Variants in EDARADD observed in about 807,000 individuals in gnomAD.
EDARADD encodes ectodysplasin-A receptor-associated adapter protein.
In EDARADD, 20 loss-of-function variants were observed where a neutral mutation model predicts 25.6. The observed-to-expected ratio is 0.78, with a 90% confidence interval of 0.55 to 1.14. The LOEUF (loss-of-function observed/expected upper bound fraction) is 1.14, where lower values mean the gene tolerates loss of function less well. EDARADD is among the 50% of genes most tolerant of loss of function. EDARADD has a pLI of 0.00. For missense variants in EDARADD, 225 were observed against 270.1 expected (o/e 0.83, Z 1.17); for synonymous variants, 86 against 94.4 (o/e 0.91, Z 0.52).
chr1:236,439,090 G>T (rs982107571), intron 4 of EDARADD, among the ~76,000 whole-genome samples: 1 of 152,160 alleles, frequency 6.6e-6, no homozygotes, highest in African/African-American at 2.4e-5. Flanking sequence ...TCACATAGTT[G>T]GAATCATATG....
intron 3 of EDARADD, among the ~76,000 whole-genome samples, chr1:236,364,523 C>T (rs1489353898): frequency 6.6e-6 from 1 of 152,176 alleles, no homozygotes; most frequent in African/African-American, 2.4e-5. Context: ...TCTTCTAACC[C>T]ATGAACAAGG....
chr1:236,426,539 G>A (rs1446756185), intron 3 of EDARADD, among the ~76,000 whole-genome samples: 1 of 152,146 alleles, frequency 6.6e-6, no homozygotes, highest in African/African-American at 2.4e-5. Flanking sequence ...CTGCCTTCTG[G>A]TTCCCATGTG....
At chr1:236,423,926 T>C (rs1000061859) in intron 3 of EDARADD, among the ~76,000 whole-genome samples, 1 of 151,916 alleles carries the variant, frequency 6.6e-6, no homozygotes, top group Non-Finnish European at 1.5e-5. Context: ...GACAACATGG[T>C]GAAACCCTGT....
intron 4 of EDARADD, among the ~76,000 whole-genome samples, chr1:236,457,244 G>C (rs559787794): frequency 2.6e-5 from 4 of 152,146 alleles, no homozygotes. Flanking sequence ...TACCGGGCAC[G>C]GGGGCTCACG....
At chr1:236,427,704 G>A (rs1246687322) in intron 4 of EDARADD, among the ~76,000 whole-genome samples, 1 of 152,006 alleles carries the variant, frequency 6.6e-6, no homozygotes, top group African/African-American at 2.4e-5. Context: ...AATCAATGCT[G>A]GTGAGTTAGA....
Position 236,395,877 on chromosome 1 carries a change from C to G in EDARADD, c.61+1372C>G, listed in dbSNP as rs1198346760. Among the ~76,000 whole-genome samples, 2 of 152,120 alleles carry G rather than the reference C, an allele frequency of 1.3e-5. No homozygotes were observed. Among genetic ancestry groups the G allele is most frequent in the Non-Finnish European group, 2.9e-5 (2 of 68,008 alleles). On this transcript the variant is annotated intron_variant, in intron 1 of 5. Transcript: ENST00000334232. The surrounding 1 kb of genome is among the most constrained non-coding windows in gnomAD (Gnocchi z 6.9). ...CTGCTGACCGCCCCTCCCGCGCTCG[C>G]CAGGGCCCCTGCCCCGCGTCAGCCA...
At chr1:236,393,808 G>A (rs1558108235), upstream of EDARADD, among the ~76,000 whole-genome samples, 2 of 152,060 alleles carry the variant, frequency 1.3e-5, no homozygotes, top group African/African-American at 2.4e-5. Context: ...TGGTGAATGC[G>A]AATCATTTTT....
At chr1:236,472,655 G>A (rs1659389035) in intron 5 of EDARADD, among the ~76,000 whole-genome samples, 1 of 152,184 alleles carries the variant, frequency 6.6e-6, no homozygotes, top group South Asian at 2.1e-4. Context: ...AAGGCTGTTG[G>A]TTATTAATGC....
intron 3 of EDARADD, among the ~76,000 whole-genome samples, chr1:236,360,210 T>TA (rs1218365127): frequency 6.6e-6 from 1 of 151,912 alleles, no homozygotes; most frequent in Admixed American, 6.6e-5. Context: ...TAGTTCCAGG[T>TA]ACTTGGGAAG....
chr1:236,432,076 C>A (rs1658111129), intron 4 of EDARADD, among the ~76,000 whole-genome samples: 1 of 152,086 alleles, frequency 6.6e-6, no homozygotes, highest in Non-Finnish European at 1.5e-5. Context: ...TTTCCTAGGA[C>A]CTTTATCAAT....
intron 4 of EDARADD, among the ~76,000 whole-genome samples, chr1:236,457,296 A>T (rs191382314): frequency 2.6e-5 from 4 of 152,080 alleles, no homozygotes; most frequent in Admixed American, 6.6e-5. Flanking sequence ...CAGGCAGATC[A>T]CTTGAGCCCA....
At chr1:236,443,516 A>G (rs654860) in intron 4 of EDARADD, among the ~76,000 whole-genome samples, 100,493 of 152,032 alleles carry the variant, frequency 0.66, 36,925 homozygotes, top group Non-Finnish European at 0.84. Flanking sequence ...GAGGGATTCA[A>G]GATTTCAGTG....
At chr1:236,449,701 A>G (rs778426910) in intron 4 of EDARADD, among the ~76,000 whole-genome samples, 4 of 152,192 alleles carry the variant, frequency 2.6e-5, no homozygotes, top group Admixed American at 1.3e-4. Flanking sequence ...CTAAATCACA[A>G]AGCCTTAGCT....
chr1:236,363,716 G>T (rs969778031), intron 3 of EDARADD, among the ~76,000 whole-genome samples: 4 of 152,054 alleles, frequency 2.6e-5, no homozygotes, highest in Non-Finnish European at 2.9e-5. Flanking sequence ...TTAAAAAGAA[G>T]TAGATCCACT....
Position 236,451,262 on chromosome 1 carries a change from C to T in EDARADD, c.220-16969C>T, listed in dbSNP as rs190079600. 2.8e-4 allele frequency among the ~76,000 whole-genome samples: 42 copies of T among 152,292 alleles called. 2 individuals carry two copies. In the East Asian group the frequency reaches 6.8e-3, roughly 25 times the overall value. On this transcript the variant is annotated intron_variant, in intron 4 of 5. Coordinates refer to ENST00000334232, the MANE Select transcript of EDARADD (RefSeq NM_145861.4). ...TTGCTGTGTCACCTGGAGCTGGTTC[C>T]CAATCCCTCTCAGTCAGCTTTCTCC...
At chr1:236,434,867 G>A (rs981631317) in intron 4 of EDARADD, among the ~76,000 whole-genome samples, 2 of 152,252 alleles carry the variant, frequency 1.3e-5, no homozygotes, top group African/African-American at 4.8e-5. Flanking sequence ...AAGAAGATGA[G>A]ACAGGCTTAA....
intron 3 of EDARADD, among the ~76,000 whole-genome samples, chr1:236,415,641 C>T (rs1571921356): frequency 6.6e-6 from 1 of 152,264 alleles, no homozygotes; most frequent in East Asian, 1.9e-4. Flanking sequence ...GGCGGGGTTT[C>T]ACCATGTTGG....
At chr1:236,371,987 C>T (rs1667177993) in intron 3 of EDARADD, among the ~76,000 whole-genome samples, 1 of 151,368 alleles carries the variant, frequency 6.6e-6, no homozygotes, top group Admixed American at 6.6e-5. Context: ...TGGAGTCTCG[C>T]TCTGTCTCTC....
intron 4 of EDARADD, among the ~76,000 whole-genome samples, chr1:236,439,760 A>C (rs1384081690): frequency 6.6e-6 from 1 of 152,180 alleles, no homozygotes; most frequent in African/African-American, 2.4e-5. Flanking sequence ...TTTATCTGAT[A>C]TGTCCCTTGC....
Sources: gnomAD v4.1 joint callset for allele counts (sites outside exome capture counted in the v4.1 genomes callset) on GRCh38, gnomAD v4.1.1 for gene constraint, Gnocchi (gnomAD v3.1) non-coding constraint, MANE v1.5 for transcripts, NCBI Gene and HGNC (gene_info 2026-07-23, HGNC 2026-07-21) for gene names.